The following ZNF14 variants were observed in gnomAD, a reference collection of about 807,000 sequenced individuals.
The protein encoded by ZNF14 is zinc finger protein 14.
ZNF14 carries 9 observed loss-of-function variants against 11.3 expected under a neutral mutation model. The observed-to-expected ratio is 0.80, with a 90% CI of 0.48 to 1.39. The LOEUF (loss-of-function observed/expected upper bound fraction) is 1.39. Ranked by LOEUF, ZNF14 falls within the 40% of genes most tolerant of loss-of-function variation. The pLI is 0.00. For missense variants in ZNF14, 711 were observed against 763.9 expected, an observed-to-expected ratio of 0.93 and a Z score of 0.82; for synonymous variants, 239 against 245.7, an observed-to-expected ratio of 0.97 and a Z score of 0.25.
At chr19:19,717,829 T>A (rs149776408) in intron 1 of ZNF14, among the ~76,000 whole-genome samples, 1 of 152,238 alleles carries the variant, frequency 6.6e-6, no homozygotes. Context: ...GTCATTAGGG[T>A]TTCTGTTTAA....
rs2062361652 is a variant in ZNF14, at chr19:19,711,871, AGT to A, written c.1408_1409del (p.Thr470TrpfsTer6). ...SYFRIHERSHTGEKPYECKQC... is the reference protein window; with the variant it reads ...SYFRIHERSHXGEKPYECKQC... ...GTTTACATTCATAGGGTTTCTCTCC[AGT>A]GTGTGACCTTTCATGAATTCGAAAA... On this transcript the variant is annotated frameshift_variant, in exon 4 of 4. Coordinates refer to ENST00000344099, the MANE Select transcript of ZNF14 (RefSeq NM_021030.3). LOFTEE classifies it low-confidence loss of function (END_TRUNC). 2 of 1,614,082 alleles carry A rather than the reference AGT, an allele frequency of 1.2e-6. No homozygotes were observed. The highest frequency in any genetic ancestry group is 4.5e-5 in the East Asian group (2 of 44,880).
At chr19:19,732,274 C>T (rs922965187) in intron 1 of ZNF14, among the ~76,000 whole-genome samples, 2 of 152,132 alleles carry the variant, frequency 1.3e-5, no homozygotes, top group Admixed American at 1.3e-4. Flanking sequence ...CACATTCACG[C>T]AAGGGAACAA....
chr19:19,733,056 T>C lies in ZNF14; in HGVS notation c.-98A>G. ...GGATGCGCTAGAGCCACCTTCGGCC[T>C]TCAGGAGCAGGTGAAACGCAATCTT... On this transcript the variant is annotated 5_prime_UTR_variant, in exon 1 of 4. Transcript: ENST00000344099. 2.7e-6 allele frequency: 4 copies of C among 1,493,128 alleles called. No individual in the cohort carries two copies. Among genetic ancestry groups the C allele is most frequent in the South Asian group, 1.2e-5 (1 of 83,186 alleles). 92.5% of individuals were successfully genotyped at this position (1,493,128 alleles called of 1,614,324 possible).
At chr19:19,713,394 C>T (rs2062368040) in intron 3 of ZNF14, among the ~76,000 whole-genome samples, 2 of 151,580 alleles carry the variant, frequency 1.3e-5, no homozygotes, top group African/African-American at 4.8e-5. Flanking sequence ...TCAACCAATC[C>T]TCCCATCTCA....
At chr19:19,717,918 A>C (rs2062382175) in intron 1 of ZNF14, among the ~76,000 whole-genome samples, 1 of 152,184 alleles carries the variant, frequency 6.6e-6, no homozygotes, top group African/African-American at 2.4e-5. Flanking sequence ...GTGTCTAGAG[A>C]AGCCCAAAGA....
In ZNF14 at chr19:19,720,341, CT is replaced by C. The variant is rs35810516; in HGVS notation, c.4-5855del. On this transcript the variant is annotated intron_variant, in intron 1 of 3. Coordinates refer to ENST00000344099, the MANE Select transcript of ZNF14 (RefSeq NM_021030.3). This position sits in a 1 kb window ranked among gnomAD's most constrained non-coding sequence, Gnocchi z 4.1. ...CCACATTCTGGAACATAAAACATAT[CT>C]TTTTTTTTTTTTTTTGAGATGGAGT... is the stretch of plus-strand genomic sequence containing the variant. Among the ~76,000 whole-genome samples, 470 of 142,094 alleles carry C rather than the reference CT, an allele frequency of 3.3e-3. No individual in the cohort carries two copies. Among genetic ancestry groups the C allele is most frequent in the South Asian group, 0.013 (58 of 4,438 alleles). The allele number at this position is 142,094 out of a possible 152,430, so 93.2% of individuals were successfully genotyped here.
chr19:19,714,296 T>C, intron 2 of ZNF14, 65 bp downstream of exon 2: 1 of 1,607,124 alleles, frequency 6.2e-7, no homozygotes, highest in Non-Finnish European at 8.5e-7. Flanking sequence ...AACACAGCTG[T>C]TGAGCAAGAA....
intron 1 of ZNF14, 30 bp from the exon 2 acceptor site, chr19:19,714,517 A>T (rs1398294461): frequency 6.2e-7 from 1 of 1,601,080 alleles, no homozygotes; most frequent in Non-Finnish European, 8.5e-7. Context: ...TTTACAGAGG[A>T]TGGGTAAGAC....
chr19:19,719,414 T>C (rs2062386313), intron 1 of ZNF14, among the ~76,000 whole-genome samples: 3 of 152,186 alleles, frequency 2.0e-5, no homozygotes, highest in Admixed American at 2.0e-4. Context: ...TATGGATAAA[T>C]GATACGTATG....
At chr19:19,715,542 A>C (rs2062375477) in intron 1 of ZNF14, among the ~76,000 whole-genome samples, 1 of 152,240 alleles carries the variant, frequency 6.6e-6, no homozygotes, top group African/African-American at 2.4e-5. Flanking sequence ...GTATTACAGA[A>C]GCGAGAAACA....
chr19:19,723,254 C>G (rs924483688), intron 1 of ZNF14, among the ~76,000 whole-genome samples: 6 of 152,152 alleles, frequency 3.9e-5, no homozygotes, highest in Non-Finnish European at 5.9e-5. Context: ...TACATCCAAT[C>G]AATACCTAGT....
In ZNF14 at chr19:19,710,755, T is replaced by C. The variant is rs1365720681; in HGVS notation, c.*597A>G. On this transcript the variant is annotated 3_prime_UTR_variant, in exon 4 of 4. Coordinates refer to ENST00000344099, the MANE Select transcript of ZNF14 (RefSeq NM_021030.3). Reference sequence around the variant, plus strand: ...CATATATTCACACTCTAGAGGACAGTTGGAAGATTTTCCCACTTTTATTTT... The same window carrying C: ...CATATATTCACACTCTAGAGGACAGCTGGAAGATTTTCCCACTTTTATTTT... 3 of 152,970 alleles carry C rather than the reference T, an allele frequency of 2.0e-5. No individual in the cohort carries two copies. The highest frequency in any genetic ancestry group is 4.4e-5 in the Non-Finnish European group (3 of 68,272). 9.5% of individuals were successfully genotyped at this position (152,970 alleles called of 1,614,324 possible).
At position 19,726,200 on chromosome 19, in the gene ZNF14, T is replaced by A; in HGVS notation, c.3+6756A>T. On this transcript the variant is annotated intron_variant, in intron 1 of 3. Coordinates refer to ENST00000344099, the MANE Select transcript of ZNF14 (RefSeq NM_021030.3). ...AATTTTCAGCTTTTCTGCTCTGGTT[T>A]CTTCCCATCTTTGTGGTTTTATCTA... is the stretch of plus-strand genomic sequence containing the variant. Among the ~76,000 whole-genome samples the A allele has an allele frequency of 1.5e-5, 2 of 134,816 alleles. 1 individual carries two copies. Among genetic ancestry groups the A allele is most frequent in the Non-Finnish European group, 3.3e-5 (2 of 60,524 alleles). 88.4% of individuals were successfully genotyped at this position (134,816 alleles called of 152,430 possible).
chr19:19,729,188 G>A (rs186773361), intron 1 of ZNF14, among the ~76,000 whole-genome samples: 9 of 152,134 alleles, frequency 5.9e-5, no homozygotes, highest in African/African-American at 2.2e-4. Flanking sequence ...ATGTTGGCCA[G>A]GCTGGTCTGG....
intron 1 of ZNF14, among the ~76,000 whole-genome samples, chr19:19,728,670 C>G (rs1304735966): frequency 7.6e-6 from 1 of 132,280 alleles, no homozygotes; most frequent in African/African-American, 2.8e-5. Flanking sequence ...CAAAGCAGAT[C>G]TAAAAGATGG....
At chr19:19,719,901 T>C (rs1313148531) in intron 1 of ZNF14, among the ~76,000 whole-genome samples, 2 of 152,222 alleles carry the variant, frequency 1.3e-5, no homozygotes, top group Non-Finnish European at 2.9e-5. Flanking sequence ...AGATATGCCA[T>C]GCTAACACTA....
rs1483185021 is a variant in ZNF14 at position 19,712,091 on chromosome 19, T to A, written c.1190A>T (p.His397Leu). ...GGAACTTGAAAAACTGAAGGTTTTA[T>A]GACACTGTTTACACTCATAAGGTTT... ...GEKPYECKQCHKTFSFSSSLR... is the reference protein window; with the variant it reads ...GEKPYECKQCLKTFSFSSSLR... The change falls in exon 4 of 4, where the codon CAT (histidine) becomes CTT (leucine). Residue 397 changes from histidine to leucine, a missense_variant. Physicochemically the swap from His to Leu is moderately conservative, Grantham distance 99 (BLOSUM62 -3). Coordinates refer to ENST00000344099, the MANE Select transcript of ZNF14 (RefSeq NM_021030.3). The A allele has an allele frequency of 7.4e-6, 12 of 1,613,462 alleles. No individual in the cohort carries two copies. The highest frequency in any genetic ancestry group is 1.0e-5 in the Non-Finnish European group (12 of 1,179,914).
chr19:19,714,313 G>A, intron 2 of ZNF14, 48 bp downstream of exon 2: 1 of 1,610,016 alleles, frequency 6.2e-7, no homozygotes, highest in Non-Finnish European at 8.5e-7. Flanking sequence ...AGAAACACTT[G>A]TTCTGTGTTC....
At chr19:19,717,657 C>T (rs1170305289) in intron 1 of ZNF14, among the ~76,000 whole-genome samples, 1 of 152,114 alleles carries the variant, frequency 6.6e-6, no homozygotes, top group Admixed American at 6.6e-5. Context: ...TTGTGAAATT[C>T]AAGGGATTTA....
Sources: gnomAD v4.1 joint callset for allele counts (sites outside exome capture counted in the v4.1 genomes callset) on GRCh38, gnomAD v4.1.1 for gene constraint, Gnocchi (gnomAD v3.1) non-coding constraint, MANE v1.5 for transcripts, NCBI Gene and HGNC (gene_info 2026-07-23, HGNC 2026-07-21) for gene names.